Variants in BANP observed in about 807,000 individuals in gnomAD.
BANP encodes BTG3 associated nuclear protein, also known as protein BANP.
In BANP, 11 loss-of-function variants were observed where a neutral mutation model predicts 68.1. The ratio of observed to expected loss-of-function variants is 0.16; its 90% CI spans 0.10 to 0.27. BANP has a LOEUF of 0.27. Ranked by LOEUF, BANP falls within the 10% of genes least tolerant of loss-of-function variation. The probability of loss-of-function intolerance (pLI) is 1.00; values close to 1 mark genes in which losing one functional copy is unlikely to be tolerated. For missense variants in BANP, 504 were observed against 722.7 expected, an observed-to-expected ratio of 0.70 and a Z score of 3.47; for synonymous variants, 329 against 303.2, an observed-to-expected ratio of 1.09 and a Z score of -0.88.
intron 11 of BANP, among the ~76,000 whole-genome samples, chr16:88,063,174 G>A (rs2087377185): frequency 6.6e-6 from 1 of 152,258 alleles, no homozygotes; most frequent in South Asian, 2.1e-4. Flanking sequence ...AGCACGCTGT[G>A]CCTTCATTTC....
intron 1 of BANP, among the ~76,000 whole-genome samples, chr16:87,972,960 T>C (rs1302642020): frequency 6.6e-6 from 1 of 152,120 alleles, no homozygotes; most frequent in Non-Finnish European, 1.5e-5. Flanking sequence ...TCGGCCTGGC[T>C]CCTGCTTCCC....
intron 7 of BANP, among the ~76,000 whole-genome samples, chr16:88,020,722 C>T (rs1351706506): frequency 4.6e-5 from 7 of 152,196 alleles, no homozygotes; most frequent in Admixed American, 4.6e-4. Context: ...GGAGTCCCTG[C>T]TCCTCGGGGG....
At chr16:88,072,343 G>A (rs2090560289) in intron 13 of BANP, 131 bp downstream of exon 13, 1 of 1,084,886 alleles carries the variant, frequency 9.2e-7, no homozygotes, top group African/African-American at 1.6e-5. Context: ...GGACACAGAT[G>A]CCCATCTGAG....
chr16:87,951,833 C>T (rs1402152967), intron 1 of BANP, among the ~76,000 whole-genome samples: 1 of 152,118 alleles, frequency 6.6e-6, no homozygotes, highest in Non-Finnish European at 1.5e-5. Flanking sequence ...GGGCCTCGCC[C>T]CGCGGGAAGG....
At position 88,057,749 on chromosome 16, in the gene BANP, T is replaced by C. The variant is rs1398521668; in HGVS notation, c.1312-7518T>C. On this transcript the variant is annotated intron_variant, in intron 11 of 13. Transcript: ENST00000682872. The surrounding 1 kb of genome is among the most constrained non-coding windows in gnomAD (Gnocchi z 4.6). ...AAGAGAGATGGCGGGGCCATCTGGGTGGGGCGGGGGGGGGGGTGCGTGCAG... is the reference window on the plus strand; with the variant it reads ...AAGAGAGATGGCGGGGCCATCTGGGCGGGGCGGGGGGGGGGGTGCGTGCAG... Among the ~76,000 whole-genome samples the C allele has an allele frequency of 8.3e-4, 1 of 1,198 alleles. No individual in the cohort carries two copies. The highest frequency in any genetic ancestry group is 1.8e-3 in the African/African-American group (1 of 544). 0.8% of individuals were successfully genotyped at this position (1,198 alleles called of 152,430 possible).
chr16:87,974,680 C>A (rs1001682414), intron 1 of BANP, among the ~76,000 whole-genome samples: 3 of 151,986 alleles, frequency 2.0e-5, no homozygotes, highest in Admixed American at 6.6e-5. Context: ...CCCTTGGGAG[C>A]AGGAAGCGAC....
chr16:88,007,258 C>T (rs2071499444), intron 6 of BANP, among the ~76,000 whole-genome samples: 1 of 152,166 alleles, frequency 6.6e-6, no homozygotes, highest in African/African-American at 2.4e-5. Context: ...TCTCTTGGAT[C>T]AGTGTCTGGA....
chr16:88,040,931 T>G (rs2080623707), intron 11 of BANP, among the ~76,000 whole-genome samples: 2 of 152,238 alleles, frequency 1.3e-5, no homozygotes, highest in Non-Finnish European at 2.9e-5. Flanking sequence ...AACTGTCATT[T>G]AGGAATGGTT....
At position 88,037,830 on chromosome 16, in the gene BANP, C is replaced by G. The variant is rs546653823; in HGVS notation, c.1273-143C>G. 6.4e-5 allele frequency: 47 copies of G among 731,038 alleles called. No individual in the cohort carries two copies. The Middle Eastern group carries it at 1.0e-3, about 16-fold the overall frequency. The allele number at this position is 731,038 out of a possible 1,614,324, so 45.3% of individuals were successfully genotyped here. Reference sequence around the variant, plus strand: ...ATATTTTGTTTTGGGGCTTTTGTTGCTACTGGAGGTTGAATTTTTGCAGAA... The same window carrying G: ...ATATTTTGTTTTGGGGCTTTTGTTGGTACTGGAGGTTGAATTTTTGCAGAA... On this transcript the variant is annotated intron_variant, in intron 10 of 13. Transcript: ENST00000682872.
At chr16:88,020,348 G>T (rs2075769583) in intron 7 of BANP, among the ~76,000 whole-genome samples, 1 of 152,256 alleles carries the variant, frequency 6.6e-6, no homozygotes, top group African/African-American at 2.4e-5. Context: ...CTGCTTTAGG[G>T]CATGGCGTGG....
At chr16:88,040,676 C>T (rs2080546531) in intron 11 of BANP, among the ~76,000 whole-genome samples, 1 of 152,234 alleles carries the variant, frequency 6.6e-6, no homozygotes, top group Non-Finnish European at 1.5e-5. Context: ...CAGAAGCATC[C>T]TTCATGTGAC....
intron 6 of BANP, among the ~76,000 whole-genome samples, chr16:88,008,704 A>G (rs1403998627): frequency 6.6e-6 from 1 of 152,190 alleles, no homozygotes; most frequent in Non-Finnish European, 1.5e-5. Context: ...TTTGTGTAAG[A>G]CATTTTTCTT....
In BANP at chr16:88,076,706, GC is replaced by G; in HGVS notation, c.*48del. On this transcript the variant is annotated 3_prime_UTR_variant, in exon 14 of 14. Coordinates refer to ENST00000682872, the MANE Select transcript of BANP (RefSeq NM_001386991.1). ...GAGCCCCTCGCCGGCTCCGCCTACG[GC>G]CCGGCCCCCACGCGCCCTGCTCTCA... is the stretch of plus-strand genomic sequence containing the variant. The G allele has an allele frequency of 1.3e-6, 2 of 1,546,332 alleles. No homozygotes were observed. The highest frequency in any genetic ancestry group is 1.8e-6 in the Non-Finnish European group (2 of 1,139,082).
At chr16:87,959,213 A>G (rs907015170) in intron 1 of BANP, among the ~76,000 whole-genome samples, 15 of 152,246 alleles carry the variant, frequency 9.9e-5, no homozygotes, top group African/African-American at 3.4e-4. Context: ...TGGGCTGAGA[A>G]GCAGGCACCT....
chr16:88,035,569 C>T (rs1206950903), intron 10 of BANP, among the ~76,000 whole-genome samples, 175 bp downstream of exon 10: 2 of 152,240 alleles, frequency 1.3e-5, no homozygotes, highest in Non-Finnish European at 2.9e-5. Context: ...TCTCTGTGGC[C>T]TCTCTGCCTC....
chr16:87,999,477 CACCCA>C lies in BANP; in HGVS notation c.363-4817_363-4813del, dbSNP rs1250777478. Among the ~76,000 whole-genome samples the C allele has an allele frequency of 8.0e-4, 10 of 12,478 alleles. 1 individual carries two copies. The highest frequency in any genetic ancestry group is 1.4e-3 in the Non-Finnish European group (8 of 5,798). 8.2% of individuals were successfully genotyped at this position (12,478 alleles called of 152,430 possible). A position where few individuals can be genotyped will look rare whatever the true frequency, so the allele number is the denominator to read the frequency against. ...GGCTGGACTTACCTGTCCTTCCAGA[CACCCA>C]GACACGTCTCCATGCACGCACGTGC... On this transcript the variant is annotated intron_variant, in intron 4 of 13. Transcript: ENST00000682872.
At chr16:87,991,035 T>G (rs2065775456) in intron 4 of BANP, among the ~76,000 whole-genome samples, 1 of 152,246 alleles carries the variant, frequency 6.6e-6, no homozygotes, top group East Asian at 1.9e-4. Context: ...GTATTGGGAT[T>G]ACAGGCGTGC....
Position 87,967,118 on chromosome 16 carries a change from C to T in BANP, c.-68-7930C>T, listed in dbSNP as rs567482677. On this transcript the variant is annotated intron_variant, in intron 1 of 13. Transcript: ENST00000682872. ...AAGTCCGTGTCTGATGCCCCGCACC[C>T]ACAGCTGTCGTGGGCTCTTCCGTGA... is the stretch of plus-strand genomic sequence containing the variant. 1.5e-3 allele frequency among the ~76,000 whole-genome samples: 224 copies of T among 152,324 alleles called. 1 individual carries two copies. Among genetic ancestry groups the T allele is most frequent in the Middle Eastern group, 3.4e-3 (1 of 294 alleles).
intron 13 of BANP, among the ~76,000 whole-genome samples, chr16:88,075,303 G>A (rs372288994): frequency 1.9e-4 from 29 of 152,276 alleles, no homozygotes; most frequent in Non-Finnish European, 2.6e-4. Flanking sequence ...TCGAGATTGC[G>A]CCACTGTGCT....
Sources: allele counts gnomAD v4.1 joint callset (sites outside exome capture counted in the v4.1 genomes callset), GRCh38; gene constraint gnomAD v4.1.1; non-coding constraint Gnocchi (gnomAD v3.1); transcripts MANE v1.5; gene names NCBI Gene and HGNC (gene_info 2026-07-23, HGNC 2026-07-21).